The following C3orf20 variants were observed in gnomAD, a reference collection of about 807,000 sequenced individuals.
The protein encoded by C3orf20 is uncharacterized protein C3orf20.
C3orf20 carries 76 observed loss-of-function variants against 88.3 expected under a neutral mutation model. That is an observed-to-expected ratio of 0.86 (90% CI 0.72 to 1.04). C3orf20 has a LOEUF of 1.04. Ranked by LOEUF, C3orf20 falls within the 50% of genes least tolerant of loss-of-function variation. The pLI is 0.00. For synonymous variants in C3orf20, 436 were observed against 437.4 expected, an observed-to-expected ratio of 1.00 and a Z score of 0.04; for missense variants, 1,056 against 1,123.3, an observed-to-expected ratio of 0.94 and a Z score of 0.86.
chr3:14,771,511 T>C (rs2035857366), intron 15 of C3orf20, among the ~76,000 whole-genome samples: 1 of 152,246 alleles, frequency 6.6e-6, no homozygotes, highest in African/African-American at 2.4e-5. Context: ...CTCCTTGGCC[T>C]ATGGCCACAG....
intron 12 of C3orf20, among the ~76,000 whole-genome samples, chr3:14,751,969 TG>T (rs1387877011): frequency 6.6e-6 from 1 of 152,142 alleles, no homozygotes; most frequent in Non-Finnish European, 1.5e-5. Flanking sequence ...TTCACAGAAT[TG>T]GAAAAGACTA....
At position 14,759,976 on chromosome 3, in the gene C3orf20, CTG is replaced by C. The variant is rs973211776; in HGVS notation, c.2333_2334del (p.Val778GlyfsTer50). On this transcript the variant is annotated frameshift_variant, in exon 14 of 17. Transcript: ENST00000253697. LOFTEE classifies it high-confidence loss of function. ...CCTCCCCTGATGGTGAAGAAGAACT[CTG>C]TGGTGCAGGGGATGATTCTGGTGAG... 6.2e-7 allele frequency: 1 copy of C among 1,614,060 alleles called. No homozygotes were observed. Among genetic ancestry groups the C allele is most frequent in the Non-Finnish European group, 8.5e-7 (1 of 1,179,892 alleles).
At position 14,772,135 on chromosome 3, in the gene C3orf20, A is replaced by C; in HGVS notation, c.2564A>C (p.Gln855Pro). The change falls in exon 16 of 17, where the codon CAA (glutamine) becomes CCA (proline). Residue 855 changes from glutamine to proline, a missense_variant. By Grantham distance (76) the Gln-to-Pro change is moderately conservative. Coordinates refer to ENST00000253697, the MANE Select transcript of C3orf20 (RefSeq NM_032137.5). The surrounding 1 kb of genome is among the most constrained non-coding windows in gnomAD (Gnocchi z 4.2). ...AAGAAAGCCGAGTCAGAAGATATCC[A>C]AGGAAGCAGCTCCTCATTGGCCCTG... ...SVKKAESEDIQGSSSSLALED... is the reference protein window; with the variant it reads ...SVKKAESEDIPGSSSSLALED... 1 of 1,614,254 alleles carries C rather than the reference A, an allele frequency of 6.2e-7. No homozygotes were observed. Among genetic ancestry groups the C allele is most frequent in the Non-Finnish European group, 8.5e-7 (1 of 1,180,032 alleles).
At chr3:14,767,887 A>G (rs1434174732) in intron 15 of C3orf20, among the ~76,000 whole-genome samples, 2 of 152,228 alleles carry the variant, frequency 1.3e-5, no homozygotes, top group Non-Finnish European at 2.9e-5. Context: ...CCTACCCTTC[A>G]AAGCAGTTTG....
Position 14,761,514 on chromosome 3 carries a change from G to C in C3orf20, c.2394G>C (p.Leu798Phe), listed in dbSNP as rs1452326953. 4 of 1,614,040 alleles carry C rather than the reference G, an allele frequency of 2.5e-6. No individual in the cohort carries two copies. The highest frequency in any genetic ancestry group is 3.4e-6 in the Non-Finnish European group (4 of 1,180,012). ...AGCTCATTTTTGGGGGCCGTGTTTT[G>C]AATGGATATGGCCTCAGCAAGCAGA... ...GGKLIFGGRV[L>F]NGYGLSKQNL... Residue 798 changes from leucine (L) to phenylalanine (F), a missense_variant, in exon 15 of 17, where the codon TTG (leucine) becomes TTC (phenylalanine). By Grantham distance (22) the Leu-to-Phe change is conservative. Coordinates refer to ENST00000253697, the MANE Select transcript of C3orf20 (RefSeq NM_032137.5).
intron 5 of C3orf20, among the ~76,000 whole-genome samples, chr3:14,694,833 C>CA (rs1212073088): frequency 6.6e-6 from 1 of 152,036 alleles, no homozygotes; most frequent in Non-Finnish European, 1.5e-5. Flanking sequence ...TCTGTTGCCC[C>CA]AGGCTGGAGT....
At chr3:14,707,645 TATACTGTC>T (rs2033571308) in intron 7 of C3orf20, among the ~76,000 whole-genome samples, 1 of 152,164 alleles carries the variant, frequency 6.6e-6, no homozygotes, top group African/African-American at 2.4e-5. Flanking sequence ...TATTTTTTCC[TATACTGTC>T]ATATGCCTTT....
At chr3:14,681,330 AG>A (rs751131099) in intron 1 of C3orf20, among the ~76,000 whole-genome samples, 4 of 152,258 alleles carry the variant, frequency 2.6e-5, no homozygotes, top group Non-Finnish European at 4.4e-5. Context: ...GAAAAGGGAA[AG>A]GGAGCATTGT....
intron 1 of C3orf20, among the ~76,000 whole-genome samples, chr3:14,676,025 A>G (rs1053100830): frequency 5.3e-5 from 8 of 151,788 alleles, no homozygotes; most frequent in African/African-American, 1.9e-4. Flanking sequence ...CATTCTCCCT[A>G]AGTCTGAAAG....
intron 14 of C3orf20, among the ~76,000 whole-genome samples, chr3:14,761,065 C>T (rs1032604308): frequency 2.0e-5 from 3 of 152,074 alleles, no homozygotes; most frequent in African/African-American, 7.2e-5. Context: ...ATGGGATAAG[C>T]TGAAACGTAC....
intron 12 of C3orf20, among the ~76,000 whole-genome samples, chr3:14,734,983 T>C (rs2034660943): frequency 1.3e-5 from 2 of 152,018 alleles, no homozygotes; most frequent in African/African-American, 4.8e-5. Flanking sequence ...CTGTATTCTC[T>C]AGTATTAGTT....
intron 5 of C3orf20, among the ~76,000 whole-genome samples, chr3:14,697,351 A>G (rs891316999): frequency 4.0e-5 from 6 of 151,898 alleles, no homozygotes; most frequent in Non-Finnish European, 7.4e-5. Flanking sequence ...TCTTGTAGCC[A>G]TGTTTCATTC....
At chr3:14,770,694 C>T (rs1299937748) in intron 15 of C3orf20, among the ~76,000 whole-genome samples, 1 of 152,120 alleles carries the variant, frequency 6.6e-6, no homozygotes. Flanking sequence ...TCCTCAGGGC[C>T]GGACGCATAG....
At chr3:14,690,632 C>A (rs898529992) in intron 5 of C3orf20, among the ~76,000 whole-genome samples, 3 of 152,224 alleles carry the variant, frequency 2.0e-5, no homozygotes, top group Non-Finnish European at 4.4e-5. Context: ...ACAGGAGAGG[C>A]TTCAGGAAGA....
At chr3:14,761,372 G>A in intron 14 of C3orf20, 101 bp from the exon 15 acceptor site, 1 of 1,402,970 alleles carries the variant, frequency 7.1e-7, no homozygotes, top group South Asian at 1.2e-5. Flanking sequence ...TGAGAGGCCT[G>A]TGGCGCTGTT....
chr3:14,720,948 C>T (rs2034134628), intron 9 of C3orf20, among the ~76,000 whole-genome samples: 1 of 152,172 alleles, frequency 6.6e-6, no homozygotes, highest in African/African-American at 2.4e-5. Context: ...GGGACTCACC[C>T]GTAGACCACA....
At chr3:14,702,475 C>CT (rs1347621125) in intron 5 of C3orf20, among the ~76,000 whole-genome samples, 3 of 143,384 alleles carry the variant, frequency 2.1e-5, no homozygotes, top group Non-Finnish European at 4.5e-5. Flanking sequence ...GAGTCTCACT[C>CT]TGTCACCCAG....
At chr3:14,708,164 G>A (rs542753239) in intron 7 of C3orf20, among the ~76,000 whole-genome samples, 6 of 152,148 alleles carry the variant, frequency 3.9e-5, no homozygotes, top group East Asian at 3.9e-4. Flanking sequence ...TAGGTCTTGC[G>A]GTCTTTGAAG....
intron 6 of C3orf20, 90 bp downstream of exon 6, chr3:14,703,352 C>T (rs2033357378): frequency 1.3e-6 from 2 of 1,579,646 alleles, no homozygotes; most frequent in Non-Finnish European, 1.7e-6. Context: ...TGTGAGTGGA[C>T]AGTCACAGAA....
Sources: allele counts gnomAD v4.1 joint callset (sites outside exome capture counted in the v4.1 genomes callset), GRCh38; gene constraint gnomAD v4.1.1; non-coding constraint Gnocchi (gnomAD v3.1); transcripts MANE v1.5; gene names NCBI Gene and HGNC (gene_info 2026-07-23, HGNC 2026-07-21).